Variants in ATXN1 observed in about 807,000 individuals in gnomAD.
ATXN1 encodes ataxin-1.
Under a neutral mutation model 56.4 loss-of-function variants are expected in ATXN1, and 8 were observed. That is an observed-to-expected ratio of 0.14 (90% confidence interval 0.08 to 0.26). The LOEUF (loss-of-function observed/expected upper bound fraction) is 0.26. ATXN1 is among the 10% of genes least tolerant of loss of function. The probability of loss-of-function intolerance (pLI) is 1.00; values close to 1 mark genes in which losing one functional copy is unlikely to be tolerated. For synonymous variants in ATXN1, 514 were observed against 494.6 expected (o/e 1.04, Z -0.52); for missense variants, 987 against 1,106.5 (o/e 0.89, Z 1.53).
intron 6 of ATXN1, among the ~76,000 whole-genome samples, chr6:16,337,756 T>C (rs1304723122): frequency 2.0e-5 from 3 of 152,260 alleles, no homozygotes; most frequent in Non-Finnish European, 4.4e-5. Context: ...ACACAGATGC[T>C]TTCCACGCTG....
intron 2 of ATXN1, among the ~76,000 whole-genome samples, chr6:16,728,931 T>C (rs1330705327): frequency 6.6e-5 from 10 of 152,142 alleles, no homozygotes; most frequent in Admixed American, 6.5e-4. Context: ...TATTCCTAGT[T>C]ACTAAGAATT....
At position 16,752,497 on chromosome 6, in the gene ATXN1, A is replaced by G. The variant is rs1203849422; in HGVS notation, c.-615+736T>C. On this transcript the variant is annotated intron_variant, in intron 2 of 7. Coordinates refer to ENST00000436367, the MANE Select transcript of ATXN1 (RefSeq NM_001128164.2). ...AATCTAGTCTGTCTTCACAGTTTCA[A>G]GCAGGTCCATTTCCAAGGCAAATAG... 3.9e-5 allele frequency among the ~76,000 whole-genome samples: 6 copies of G among 152,164 alleles called. No homozygotes were observed. In the South Asian group the frequency reaches 8.3e-4, roughly 21 times the overall value.
intron 6 of ATXN1, among the ~76,000 whole-genome samples, chr6:16,428,792 C>T (rs561565268): frequency 1.3e-5 from 2 of 152,208 alleles, no homozygotes; most frequent in South Asian, 4.2e-4. Flanking sequence ...ATCACCAGAC[C>T]GACGTGATGC....
intron 3 of ATXN1, among the ~76,000 whole-genome samples, chr6:16,601,721 C>T (rs148005418): frequency 7.9e-5 from 12 of 152,060 alleles, no homozygotes; most frequent in Admixed American, 3.3e-4. Flanking sequence ...GGTGTGGTGG[C>T]GGGCACCTGT....
In ATXN1 at chr6:16,570,727, CCTAA is replaced by C. The variant is rs368448369; in HGVS notation, c.-361+15049_-361+15052del. On this transcript the variant is annotated intron_variant, in intron 4 of 7. Coordinates refer to ENST00000436367, the MANE Select transcript of ATXN1 (RefSeq NM_001128164.2). ...AAATAAGTTGTAACCATTCCCCACG[CCTAA>C]CTCTCTATATATTCCCCTTATTTTA... is the stretch of plus-strand genomic sequence containing the variant. Among the ~76,000 whole-genome samples, 32 of 152,264 alleles carry C rather than the reference CCTAA, an allele frequency of 2.1e-4. 1 individual carries two copies. The East Asian group carries it at 4.6e-3, about 22-fold the overall frequency.
Position 16,629,634 on chromosome 6 carries a change from G to A in ATXN1, c.-489+28142C>T, listed in dbSNP as rs980091390. ...ACCTTTTTAAAAATATATATATTTC[G>A]GCCAGGCAAGGTGGCTCATGCCTGT... On this transcript the variant is annotated intron_variant, in intron 3 of 7. Transcript: ENST00000436367. Among the ~76,000 whole-genome samples, 13 of 151,886 alleles carry A rather than the reference G, an allele frequency of 8.6e-5. No individual in the cohort carries two copies. In the East Asian group the frequency reaches 1.2e-3, roughly 14 times the overall value.
chr6:16,671,404 A>C (rs1421220049), intron 2 of ATXN1, among the ~76,000 whole-genome samples: 1 of 151,820 alleles, frequency 6.6e-6, no homozygotes, highest in Non-Finnish European at 1.5e-5. Context: ...AGGAGAGGGT[A>C]TCAGGAAAGA....
chr6:16,416,814 C>T (rs1196966017), intron 6 of ATXN1, among the ~76,000 whole-genome samples: 9 of 152,150 alleles, frequency 5.9e-5, no homozygotes, highest in Admixed American at 5.2e-4. Flanking sequence ...CTGAATTCCT[C>T]TAGTAGGCCT....
chr6:16,650,088 A>G (rs1321778346), intron 3 of ATXN1, among the ~76,000 whole-genome samples: 1 of 152,194 alleles, frequency 6.6e-6, no homozygotes. Flanking sequence ...GTGAGACACC[A>G]TGCTTGGCCA....
intron 7 of ATXN1, among the ~76,000 whole-genome samples, chr6:16,319,862 T>C (rs1013848214): frequency 2.6e-5 from 4 of 152,220 alleles, no homozygotes; most frequent in Middle Eastern, 3.4e-3. Flanking sequence ...TCTCCTTTTT[T>C]TTTTTTTTTA....
intron 6 of ATXN1, among the ~76,000 whole-genome samples, chr6:16,386,711 TGAA>T (rs1239501733): frequency 6.6e-6 from 1 of 151,940 alleles, no homozygotes; most frequent in Admixed American, 6.5e-5. Context: ...ATAAAAGAAA[TGAA>T]GAAACGCATA....
chr6:16,514,243 AAGAG>A (rs1239441499), intron 5 of ATXN1, among the ~76,000 whole-genome samples: 1 of 152,162 alleles, frequency 6.6e-6, no homozygotes, highest in Non-Finnish European at 1.5e-5. Flanking sequence ...TTGGATCACA[AAGAG>A]CAAGAACGCA....
intron 2 of ATXN1, among the ~76,000 whole-genome samples, chr6:16,733,286 C>T (rs1760032337): frequency 6.6e-6 from 1 of 152,226 alleles, no homozygotes; most frequent in African/African-American, 2.4e-5. Context: ...GTCAGCCAGG[C>T]ACGGCAGCTC....
chr6:16,692,879 C>A (rs2113421159), intron 2 of ATXN1, among the ~76,000 whole-genome samples: 1 of 152,316 alleles, frequency 6.6e-6, no homozygotes, highest in South Asian at 2.1e-4. Flanking sequence ...CCAGACCTCC[C>A]ATACAGGCAG....
chr6:16,641,539 G>A (rs1220500949), intron 3 of ATXN1, among the ~76,000 whole-genome samples: 1 of 152,200 alleles, frequency 6.6e-6, no homozygotes, highest in Non-Finnish European at 1.5e-5. Flanking sequence ...TAAGCCCACT[G>A]TTGAGACTTA....
rs142411159 is a variant in ATXN1, at chr6:16,459,270, G to A, written c.-161+26702C>T. ...AACCCTGAAGTCTGGGCATTGGAAG[G>A]ACAATTCGGAAAGGCAAAAAATGCC... On this transcript the variant is annotated intron_variant, in intron 6 of 7. Coordinates refer to ENST00000436367, the MANE Select transcript of ATXN1 (RefSeq NM_001128164.2). Among the ~76,000 whole-genome samples the A allele has an allele frequency of 1.4e-4, 22 of 152,290 alleles. No individual in the cohort carries two copies. The East Asian group carries it at 4.2e-3, about 29-fold the overall frequency.
At chr6:16,545,134 C>T (rs1036152149) in intron 4 of ATXN1, among the ~76,000 whole-genome samples, 1 of 152,040 alleles carries the variant, frequency 6.6e-6, no homozygotes, top group Admixed American at 6.5e-5. Flanking sequence ...GATGAGGCCA[C>T]TAATAGAAGC....
chr6:16,320,392 A>G (rs979281748), intron 7 of ATXN1, among the ~76,000 whole-genome samples: 6 of 151,978 alleles, frequency 3.9e-5, no homozygotes, highest in African/African-American at 1.5e-4. Context: ...TCAGGGAAGC[A>G]GTCACCTCGG....
In ATXN1 at chr6:16,505,223, AAAACATACCGGCAGCCC is replaced by A. The variant is rs1440939327; in HGVS notation, c.-299+17387_-299+17403del. ...CCACTCAGTCCTTGCCTGAAAGAAG[AAAACATACCGGCAGCCC>A]AAATCTCAACCTTCTTCACTAACAG... is the stretch of plus-strand genomic sequence containing the variant. On this transcript the variant is annotated intron_variant, in intron 5 of 7. Coordinates refer to ENST00000436367, the MANE Select transcript of ATXN1 (RefSeq NM_001128164.2). Among the ~76,000 whole-genome samples the A allele has an allele frequency of 4.6e-5, 7 of 152,250 alleles. No individual in the cohort carries two copies. The South Asian group carries it at 1.5e-3, about 32-fold the overall frequency.
Sources: gnomAD v4.1 joint callset for allele counts (sites outside exome capture counted in the v4.1 genomes callset) on GRCh38, gnomAD v4.1.1 for gene constraint, MANE v1.5 for transcripts, NCBI Gene and HGNC (gene_info 2026-07-23, HGNC 2026-07-21) for gene names.